The following FAR2 variants were observed in gnomAD, a reference collection of about 807,000 sequenced individuals.
FAR2 encodes epididymis secretory protein Li 81.
In FAR2, 19 loss-of-function variants were observed where a neutral mutation model predicts 56.0. The ratio of observed to expected loss-of-function variants is 0.34; its 90% CI spans 0.24 to 0.50. FAR2 has a LOEUF of 0.50. Ranked by LOEUF, FAR2 falls within the 20% of genes least tolerant of loss-of-function variation. The pLI is 0.98. For synonymous variants in FAR2, 219 were observed against 218.8 expected, an observed-to-expected ratio of 1.00 and a Z score of -0.01; for missense variants, 508 against 642.2, an observed-to-expected ratio of 0.79 and a Z score of 2.26.
chr12:29,325,661 A>G (rs924610277), intron 10 of FAR2, among the ~76,000 whole-genome samples: 1 of 152,326 alleles, frequency 6.6e-6, no homozygotes, highest in Admixed American at 6.5e-5. Flanking sequence ...CTGGGTACAT[A>G]ACGAAATGAA....
intron 1 of FAR2, among the ~76,000 whole-genome samples, chr12:29,244,335 C>T (rs923989640): frequency 4.6e-5 from 7 of 152,170 alleles, no homozygotes; most frequent in Admixed American, 3.9e-4. Context: ...CATAAAGTAG[C>T]TTCTTATTAG....
intron 1 of FAR2, among the ~76,000 whole-genome samples, chr12:29,154,885 C>A (rs984361397): frequency 1.3e-5 from 2 of 152,168 alleles, no homozygotes; most frequent in African/African-American, 4.8e-5. Context: ...CAGCATAACA[C>A]GCTTTGGGAA....
chr12:29,189,439 C>G (rs570905634), intron 1 of FAR2, among the ~76,000 whole-genome samples: 2 of 152,108 alleles, frequency 1.3e-5, no homozygotes, highest in African/African-American at 2.4e-5. Flanking sequence ...AGATGCTGTA[C>G]GCTCACCTTG....
chr12:29,175,923 T>A (rs570208311), intron 1 of FAR2, among the ~76,000 whole-genome samples: 3 of 152,304 alleles, frequency 2.0e-5, no homozygotes, highest in East Asian at 3.9e-4. Flanking sequence ...GCTGGCTTCA[T>A]CTCTCAATCT....
chr12:29,307,557 GAGGCTAAA>G, intron 4 of FAR2, 93 bp from the exon 5 acceptor site: 1 of 1,196,304 alleles, frequency 8.4e-7, no homozygotes, highest in Non-Finnish European at 1.2e-6. Flanking sequence ...TTCCAGAACC[GAGGCTAAA>G]AGGTGGAAGT....
intron 1 of FAR2, among the ~76,000 whole-genome samples, chr12:29,222,393 G>T (rs1424356652): frequency 6.6e-6 from 1 of 152,154 alleles, no homozygotes; most frequent in Non-Finnish European, 1.5e-5. Context: ...TAGGGGTCAA[G>T]ACTATTGCAC....
At chr12:29,286,102 C>A (rs1414895799) in intron 2 of FAR2, among the ~76,000 whole-genome samples, 2 of 151,700 alleles carry the variant, frequency 1.3e-5, no homozygotes, top group South Asian at 4.2e-4. Context: ...CACACACACA[C>A]AACACAGCTT....
chr12:29,296,527 C>A (rs1415152436), intron 3 of FAR2, among the ~76,000 whole-genome samples: 2 of 152,166 alleles, frequency 1.3e-5, no homozygotes, highest in Non-Finnish European at 2.9e-5. Context: ...GTTTATATAG[C>A]TTTGCATTCT....
At chr12:29,299,213 C>CAAAAAAAAAAAAAAAAA (rs71042981) in intron 4 of FAR2, among the ~76,000 whole-genome samples, 12 of 103,584 alleles carry the variant, frequency 1.2e-4, no homozygotes, top group African/African-American at 4.6e-4. Context: ...AACTTTGTCT[C>CAAAAAAAAAAAAAAAAA]AAAAAAAAAA....
intron 3 of FAR2, among the ~76,000 whole-genome samples, chr12:29,296,003 C>T: frequency 6.6e-6 from 1 of 151,680 alleles, no homozygotes; most frequent in East Asian, 1.9e-4. Context: ...CTCCTGACCT[C>T]ATGATCCACC....
intron 1 of FAR2, among the ~76,000 whole-genome samples, chr12:29,238,383 G>C (rs1565483366): frequency 6.6e-6 from 1 of 151,790 alleles, no homozygotes; most frequent in Non-Finnish European, 1.5e-5. Context: ...CTCTCTCTCT[G>C]TATATATGTA....
chr12:29,324,552 C>T (rs903363754), intron 10 of FAR2, among the ~76,000 whole-genome samples: 22 of 152,168 alleles, frequency 1.4e-4, no homozygotes, highest in Non-Finnish European at 2.5e-4. Flanking sequence ...GATGATCTCT[C>T]GGCAGAAACT....
intron 2 of FAR2, among the ~76,000 whole-genome samples, chr12:29,275,184 G>T (rs1948690391): frequency 1.3e-5 from 2 of 151,908 alleles, no homozygotes; most frequent in Non-Finnish European, 2.9e-5. Context: ...GGAGACAGGG[G>T]TGGGGCCGTT....
intron 1 of FAR2, among the ~76,000 whole-genome samples, chr12:29,216,040 T>C (rs1216231939): frequency 6.6e-6 from 1 of 152,196 alleles, no homozygotes; most frequent in Non-Finnish European, 1.5e-5. Context: ...AGTAAACTTA[T>C]ATCCCTAACT....
chr12:29,259,605 G>A (rs572064612), intron 1 of FAR2, among the ~76,000 whole-genome samples: 224 of 152,094 alleles, frequency 1.5e-3, no homozygotes, highest in African/African-American at 5.0e-3. Flanking sequence ...TTGTTCTCTA[G>A]GAATTAGAAC....
intron 11 of FAR2, chr12:29,333,153 T>C (rs1191395190): frequency 3.0e-6 from 1 of 332,998 alleles, no homozygotes; most frequent in Non-Finnish European, 5.8e-6. Flanking sequence ...TTTCTTTCAG[T>C]CGTAATCCCT....
At position 29,335,228 on chromosome 12, in the gene FAR2, G is replaced by C. The variant is rs1374977776; in HGVS notation, c.*1434G>C. 1 of 152,128 alleles carries C rather than the reference G, an allele frequency of 6.6e-6. No homozygotes were observed. The highest frequency in any genetic ancestry group is 2.4e-5 in the African/African-American group (1 of 41,438). 9.4% of individuals were successfully genotyped at this position (152,128 alleles called of 1,614,324 possible). A position where few individuals can be genotyped will look rare whatever the true frequency, so the allele number is the denominator to read the frequency against. On this transcript the variant is annotated 3_prime_UTR_variant, in exon 12 of 12. Coordinates refer to ENST00000536681, the MANE Select transcript of FAR2 (RefSeq NM_001271783.2). Reference sequence around the variant, plus strand: ...GGTAGTTTAAGTGTACAAGGCCTTAGGGCAGTATCTAGCCCAGTATTATTC... The same window carrying C: ...GGTAGTTTAAGTGTACAAGGCCTTACGGCAGTATCTAGCCCAGTATTATTC...
At chr12:29,274,112 A>G (rs945402592) in intron 2 of FAR2, among the ~76,000 whole-genome samples, 11 of 151,844 alleles carry the variant, frequency 7.2e-5, no homozygotes, top group Non-Finnish European at 1.5e-4. Flanking sequence ...TTACATATGT[A>G]TACGTGTGCC....
chr12:29,328,437 TA>T lies in FAR2; in HGVS notation c.1258-4162del, dbSNP rs545068405. The stretch of plus-strand genomic sequence containing the variant: ...CCCAAAGGATTATAAATCATGCTGC[TA>T]TAAAGACATATGTTTATTGTGGCAC... On this transcript the variant is annotated intron_variant, in intron 10 of 11. Transcript: ENST00000536681. Among the ~76,000 whole-genome samples, 431 of 152,146 alleles carry T rather than the reference TA, an allele frequency of 2.8e-3. 2 individuals carry two copies. Among genetic ancestry groups the T allele is most frequent in the Non-Finnish European group, 4.9e-3 (330 of 67,968 alleles).
Sources: allele counts gnomAD v4.1 joint callset (sites outside exome capture counted in the v4.1 genomes callset), GRCh38; gene constraint gnomAD v4.1.1; transcripts MANE v1.5; gene names NCBI Gene and HGNC (gene_info 2026-07-23, HGNC 2026-07-21).